Variants in CDH12 observed in about 807,000 individuals in gnomAD.
The protein encoded by CDH12 is cadherin-12.
Under a neutral mutation model 74.1 loss-of-function variants are expected in CDH12, and 41 were observed. The ratio of observed to expected loss-of-function variants is 0.55; its 90% CI spans 0.43 to 0.72. CDH12 has a LOEUF of 0.72. Among genes scored for constraint, CDH12 ranks in the 30% least tolerant of loss-of-function variants. The pLI is 0.00. For synonymous variants in CDH12, 399 were observed against 355.0 expected, an observed-to-expected ratio of 1.12 and a Z score of -1.39; for missense variants, 945 against 977.2, an observed-to-expected ratio of 0.97 and a Z score of 0.44.
chr5:22,180,488 A>ATT (rs528439938), intron 4 of CDH12, among the ~76,000 whole-genome samples: 7 of 82,904 alleles, frequency 8.4e-5, no homozygotes, highest in Admixed American at 6.3e-4. Context: ...ACAGTTTTTG[A>ATT]TTTTTTTTTG....
intron 1 of CDH12, among the ~76,000 whole-genome samples, chr5:22,768,871 A>C (rs1468368082): frequency 6.6e-6 from 1 of 152,182 alleles, no homozygotes; most frequent in Non-Finnish European, 1.5e-5. Flanking sequence ...AAGTATTTCA[A>C]GTTAACACAG....
chr5:22,341,619 T>C (rs1218867755), intron 3 of CDH12, among the ~76,000 whole-genome samples: 2 of 152,170 alleles, frequency 1.3e-5, no homozygotes, highest in African/African-American at 4.8e-5. Flanking sequence ...GTGATGGAGC[T>C]GTATTTACTG....
intron 5 of CDH12, among the ~76,000 whole-genome samples, chr5:22,024,057 C>A (rs1316551913): frequency 2.0e-5 from 3 of 152,118 alleles, no homozygotes; most frequent in African/African-American, 4.8e-5. Context: ...TTCCCACTAC[C>A]ATGGGGAGGT....
chr5:22,129,527 G>C (rs2150285253), intron 4 of CDH12, among the ~76,000 whole-genome samples: 1 of 152,270 alleles, frequency 6.6e-6, no homozygotes, highest in East Asian at 1.9e-4. Context: ...GCTTGAAAGT[G>C]ATCTGTGGAA....
At chr5:22,486,691 G>A (rs911636306) in intron 2 of CDH12, among the ~76,000 whole-genome samples, 2 of 152,012 alleles carry the variant, frequency 1.3e-5, no homozygotes. Flanking sequence ...GACCTCAGGT[G>A]ATCCGCCTGT....
chr5:22,243,852 C>T (rs1223668594), intron 3 of CDH12, among the ~76,000 whole-genome samples: 5 of 152,152 alleles, frequency 3.3e-5, no homozygotes, highest in Non-Finnish European at 7.4e-5. Flanking sequence ...TTCTCAGCTT[C>T]CAATATTTAA....
chr5:22,609,717 T>C (rs1237753259), intron 1 of CDH12, among the ~76,000 whole-genome samples: 1 of 152,198 alleles, frequency 6.6e-6, no homozygotes, highest in Non-Finnish European at 1.5e-5. Context: ...GAAAAAAACG[T>C]ATAGCTAATT....
At chr5:21,761,908 C>G (rs1744748199) in intron 12 of CDH12, among the ~76,000 whole-genome samples, 1 of 152,136 alleles carries the variant, frequency 6.6e-6, no homozygotes, top group South Asian at 2.1e-4. Flanking sequence ...CACACAGACT[C>G]TATTTAAGCT....
intron 3 of CDH12, among the ~76,000 whole-genome samples, chr5:22,239,879 C>G (rs961537162): frequency 1.3e-5 from 2 of 152,018 alleles, no homozygotes; most frequent in South Asian, 2.1e-4. Context: ...TTTGCTTTAA[C>G]GGAAAACTAA....
chr5:22,091,563 G>A lies in CDH12; in HGVS notation c.-186-12701C>T, dbSNP rs144129928. Among the ~76,000 whole-genome samples, 493 of 151,962 alleles carry A rather than the reference G, an allele frequency of 3.2e-3. 1 individual carries two copies. Among genetic ancestry groups the A allele is most frequent in the African/African-American group, 0.011 (453 of 41,496 alleles). ...CCATTGTTGCAAGAAATTAAAGAATGTCTATGTAAATGAGTGGGCATAAAA... is the reference window on the plus strand; with the variant it reads ...CCATTGTTGCAAGAAATTAAAGAATATCTATGTAAATGAGTGGGCATAAAA... On this transcript the variant is annotated intron_variant, in intron 4 of 14. Transcript: ENST00000382254.
intron 1 of CDH12, among the ~76,000 whole-genome samples, chr5:22,624,920 T>C (rs547494935): frequency 6.6e-6 from 1 of 152,152 alleles, no homozygotes; most frequent in Non-Finnish European, 1.5e-5. Flanking sequence ...CAAATGTCCA[T>C]CAATGATAGA....
At chr5:22,305,213 C>T (rs941717130) in intron 3 of CDH12, among the ~76,000 whole-genome samples, 13 of 152,164 alleles carry the variant, frequency 8.5e-5, no homozygotes, top group African/African-American at 3.1e-4. Flanking sequence ...ATCCTTCCAT[C>T]TGCAGGAGAT....
chr5:22,115,623 T>A (rs941016893), intron 4 of CDH12, among the ~76,000 whole-genome samples: 4 of 152,274 alleles, frequency 2.6e-5, no homozygotes, highest in South Asian at 2.1e-4. Context: ...GCTGATACCA[T>A]TTCCTTTGTA....
At chr5:22,330,744 CAAAA>C (rs1212274101) in intron 3 of CDH12, among the ~76,000 whole-genome samples, 2 of 52,350 alleles carry the variant, frequency 3.8e-5, no homozygotes, top group Admixed American at 4.2e-4. Flanking sequence ...AGCGAGACTC[CAAAA>C]AAAAAAAAAA....
chr5:21,834,607 A>G (rs552643530), intron 8 of CDH12, among the ~76,000 whole-genome samples: 2 of 152,058 alleles, frequency 1.3e-5, no homozygotes, highest in South Asian at 4.1e-4. Context: ...TTGATGCTGA[A>G]CAAGCACCAG....
chr5:22,654,481 G>C (rs1215711934), intron 1 of CDH12, among the ~76,000 whole-genome samples: 2 of 151,878 alleles, frequency 1.3e-5, no homozygotes, highest in East Asian at 3.9e-4. Flanking sequence ...GTAGAGACAG[G>C]GTTTCACAAT....
intron 6 of CDH12, among the ~76,000 whole-genome samples, chr5:21,903,784 A>C (rs1561287463): frequency 1.3e-5 from 2 of 152,176 alleles, no homozygotes; most frequent in African/African-American, 2.4e-5. Context: ...ATACAGTGAG[A>C]AAATCTTCAA....
chr5:22,320,157 A>T (rs1446074729), intron 3 of CDH12, among the ~76,000 whole-genome samples: 1 of 152,188 alleles, frequency 6.6e-6, no homozygotes, highest in African/African-American at 2.4e-5. Flanking sequence ...AGAAGGTGGA[A>T]AAATCAGAAA....
At chr5:21,886,179 T>G (rs1275410894) in intron 6 of CDH12, among the ~76,000 whole-genome samples, 1 of 152,130 alleles carries the variant, frequency 6.6e-6, no homozygotes, top group East Asian at 1.9e-4. Flanking sequence ...GTTCCATTTG[T>G]TTCTTACTTC....
Sources: gnomAD v4.1 joint callset for allele counts (sites outside exome capture counted in the v4.1 genomes callset) on GRCh38, gnomAD v4.1.1 for gene constraint, MANE v1.5 for transcripts, NCBI Gene and HGNC (gene_info 2026-07-23, HGNC 2026-07-21) for gene names.